Variants in ZBTB40 observed in about 807,000 individuals in gnomAD.
ZBTB40 encodes the protein zinc finger and BTB domain containing 40, also known as zinc finger and BTB domain-containing protein 40.
Under a neutral mutation model 117.5 loss-of-function variants are expected in ZBTB40, and 60 were observed. That is an observed-to-expected ratio of 0.51 (90% confidence interval 0.41 to 0.63). ZBTB40 has a LOEUF of 0.63. Among genes scored for constraint, ZBTB40 ranks in the 30% least tolerant of loss-of-function variants. The pLI is 0.00. For missense variants in ZBTB40, 1,287 were observed against 1,498.5 expected, an observed-to-expected ratio of 0.86 and a Z score of 2.33; for synonymous variants, 525 against 577.1, an observed-to-expected ratio of 0.91 and a Z score of 1.29.
intron 3 of ZBTB40, among the ~76,000 whole-genome samples, chr1:22,492,365 C>T (rs1041089540): frequency 6.6e-6 from 1 of 152,204 alleles, no homozygotes; most frequent in African/African-American, 2.4e-5. Context: ...TCAGTTGAGA[C>T]GCATTTCCAC....
At chr1:22,459,992 G>A (rs1404164288) in intron 1 of ZBTB40, among the ~76,000 whole-genome samples, 1 of 152,110 alleles carries the variant, frequency 6.6e-6, no homozygotes, top group African/African-American at 2.4e-5. Context: ...CCCTCCAGAA[G>A]ATCCTAGAGA....
At chr1:22,439,127 A>G (rs1402902064) in intron 1 of ZBTB40, among the ~76,000 whole-genome samples, 1 of 152,082 alleles carries the variant, frequency 6.6e-6, no homozygotes, top group African/African-American at 2.4e-5. Flanking sequence ...TGGCCCCCCA[A>G]AGTGTTGGGA....
Position 22,530,522 on chromosome 1 carries a change from T to TGG in ZBTB40, c.*4126_*4127insGG. ...CACTCCCTGGCTAATTAAGATTGCT[T>TGG]CCAAATTGGGGGAATGTGTGTCATT... On this transcript the variant is annotated 3_prime_UTR_variant, in exon 18 of 18. Transcript: ENST00000375647. 6.6e-6 allele frequency: 1 copy of TGG among 152,290 alleles called. No individual in the cohort carries two copies. Among genetic ancestry groups the TGG allele is most frequent in the South Asian group, 2.1e-4 (1 of 4,822 alleles). The allele number at this position is 152,290 out of a possible 1,614,324, so 9.4% of individuals were successfully genotyped here. A position where few individuals can be genotyped will look rare whatever the true frequency, so the allele number is the denominator to read the frequency against.
rs948023390 is a variant in ZBTB40, at chr1:22,438,859, TTTTA to T, written c.-70+9865_-70+9868del. Among the ~76,000 whole-genome samples, 32 of 152,206 alleles carry T rather than the reference TTTTA, an allele frequency of 2.1e-4. 1 individual carries two copies. Among genetic ancestry groups the T allele is most frequent in the African/African-American group, 7.5e-4 (31 of 41,528 alleles). On this transcript the variant is annotated intron_variant, in intron 1 of 8. Coordinates refer to the ZBTB40 transcript ENST00000650433. ...ATTCTTTTGCCCATTTTTTATTTCA[TTTTA>T]TTTATTTATTTATTTATTTTTTGAG...
At chr1:22,467,868 A>T (rs1303389738) in intron 1 of ZBTB40, among the ~76,000 whole-genome samples, 1 of 149,238 alleles carries the variant, frequency 6.7e-6, no homozygotes, top group East Asian at 2.0e-4. Flanking sequence ...CCAAGGCAGG[A>T]GGATCCCTTG....
chr1:22,487,187 G>A (rs938310215), intron 1 of ZBTB40, among the ~76,000 whole-genome samples: 4 of 152,156 alleles, frequency 2.6e-5, no homozygotes, highest in South Asian at 4.1e-4. Context: ...CTTTTAGGAC[G>A]TGGTGACTTC....
At position 22,491,476 on chromosome 1, in the gene ZBTB40, C is replaced by T. The variant is rs1425889412; in HGVS notation, c.774C>T (p.Thr258=). 2 of 1,613,516 alleles carry T rather than the reference C, an allele frequency of 1.2e-6. No individual in the cohort carries two copies. The highest frequency in any genetic ancestry group is 1.3e-5 in the African/African-American group (1 of 74,798). The change falls in exon 3 of 18, where the codon ACC becomes ACT. Residue 258 remains threonine, a synonymous_variant. Coordinates refer to ENST00000375647, the MANE Select transcript of ZBTB40 (RefSeq NM_014870.4). ...TCTTCTCAGATGCACTCATGGTTAC[C>T]CAGGATGTTTTAAAAAAACTAGAAA... is the stretch of plus-strand genomic sequence containing the variant. The part of the protein sequence containing the change: ...EGVFSDALMV[T]QDVLKKLEMC...
rs143101620 is a variant in ZBTB40 at position 22,497,139 on chromosome 1, A to G, written c.832-4353A>G. 4.3e-4 allele frequency among the ~76,000 whole-genome samples: 66 copies of G among 152,310 alleles called. 1 individual carries two copies. In the East Asian group the frequency reaches 9.8e-3, roughly 23 times the overall value. On this transcript the variant is annotated intron_variant, in intron 3 of 17. Coordinates refer to ENST00000375647, the MANE Select transcript of ZBTB40 (RefSeq NM_014870.4). ...CTAGCCATGTCTCTGCTTTTAATTA[A>G]TTGTGTATACAGCAAAGTGGATCTT...
At chr1:22,439,869 A>G (rs537828507) in intron 1 of ZBTB40, among the ~76,000 whole-genome samples, 1 of 152,316 alleles carries the variant, frequency 6.6e-6, no homozygotes, top group South Asian at 2.1e-4. Flanking sequence ...TATTCTTGCA[A>G]AAAATGTCAT....
At chr1:22,501,393 G>A (rs373956427) in intron 3 of ZBTB40, 99 bp from the exon 4 acceptor site, 2 of 1,315,004 alleles carry the variant, frequency 1.5e-6, no homozygotes, top group Admixed American at 1.8e-5. Context: ...GGAGAAGCTG[G>A]CGGGAATCAA....
chr1:22,483,824 C>T (rs919565566), intron 1 of ZBTB40, among the ~76,000 whole-genome samples: 1 of 152,134 alleles, frequency 6.6e-6, no homozygotes, highest in African/African-American at 2.4e-5. Context: ...AAAAGACTGC[C>T]ATAGCCAAAG....
rs372292066 is a variant in ZBTB40, at chr1:22,429,466, T to G, written c.-70+452T>G. Among the ~76,000 whole-genome samples, 5 of 152,294 alleles carry G rather than the reference T, an allele frequency of 3.3e-5. No individual in the cohort carries two copies. In the East Asian group the frequency reaches 7.7e-4, roughly 24 times the overall value. On this transcript the variant is annotated intron_variant, in intron 1 of 8. Transcript: ENST00000650433. The stretch of plus-strand genomic sequence containing the variant: ...TTTTTTTTCTAATAGTTTTATAACT[T>G]TGCTTTTTCACATTAGGTCCTTAAT...
At chr1:22,494,518 T>A (rs1406333234) in intron 3 of ZBTB40, among the ~76,000 whole-genome samples, 1 of 152,230 alleles carries the variant, frequency 6.6e-6, no homozygotes, top group Non-Finnish European at 1.5e-5. Flanking sequence ...ATCTACATAT[T>A]TAACAGGCTC....
chr1:22,502,522 A>T, intron 5 of ZBTB40, 81 bp downstream of exon 5: 1 of 1,576,086 alleles, frequency 6.3e-7, no homozygotes, highest in Non-Finnish European at 8.7e-7. Flanking sequence ...ATAGCACTTT[A>T]TACTTTGCAG....
chr1:22,491,478 A>T lies in ZBTB40; in HGVS notation c.776A>T (p.Gln259Leu). 1 of 1,614,056 alleles carries T rather than the reference A, an allele frequency of 6.2e-7. No individual in the cohort carries two copies. Among genetic ancestry groups the T allele is most frequent in the Non-Finnish European group, 8.5e-7 (1 of 1,179,950 alleles). Residue 259 changes from glutamine to leucine, a missense_variant, in exon 3 of 18, where the codon CAG becomes CTG. Coordinates refer to ENST00000375647, the MANE Select transcript of ZBTB40 (RefSeq NM_014870.4). ...TTCTCAGATGCACTCATGGTTACCC[A>T]GGATGTTTTAAAAAAACTAGAAATG... is the stretch of plus-strand genomic sequence containing the variant. ...GVFSDALMVTQDVLKKLEMCS... is the reference protein window; with the variant it reads ...GVFSDALMVTLDVLKKLEMCS...
rs751706633 is a variant in ZBTB40, at chr1:22,490,587, T to C, written c.639T>C (p.Cys213=). 63 of 1,613,930 alleles carry C rather than the reference T, an allele frequency of 3.9e-5. No homozygotes were observed. The African/African-American group carries it at 7.9e-4, about 20-fold the overall frequency. The change falls in exon 2 of 18, where the codon TGT becomes TGC. Residue 213 remains cysteine (C), a synonymous_variant. Transcript: ENST00000375647. ...AGACTCCTACTACAGCTGAAGCTTG[T>C]TCCCCCTCCCCTGCTGTGCAAACCT... ...PAETPTTAEA[C]SPSPAVQTFS... is the part of the protein sequence containing the mutation.
chr1:22,510,438 C>T (rs1178804185), intron 9 of ZBTB40, among the ~76,000 whole-genome samples: 1 of 152,188 alleles, frequency 6.6e-6, no homozygotes, highest in Admixed American at 6.5e-5. Flanking sequence ...TAATTAGTCT[C>T]ATGCCTGCCT....
chr1:22,493,556 A>G (rs947101405), intron 3 of ZBTB40, among the ~76,000 whole-genome samples: 9 of 152,116 alleles, frequency 5.9e-5, no homozygotes, highest in Admixed American at 5.9e-4. Context: ...ATGCCCTGAA[A>G]CCATCACCAC....
intron 3 of ZBTB40, among the ~76,000 whole-genome samples, chr1:22,496,361 G>A (rs189551875): frequency 2.4e-4 from 36 of 152,238 alleles, no homozygotes; most frequent in Admixed American, 1.7e-3. Flanking sequence ...CAGAGATCCC[G>A]TTCTCATCCA....
Sources: gnomAD v4.1 joint callset for allele counts (sites outside exome capture counted in the v4.1 genomes callset) on GRCh38, gnomAD v4.1.1 for gene constraint, MANE v1.5 for transcripts, NCBI Gene and HGNC (gene_info 2026-07-23, HGNC 2026-07-21) for gene names.